FANCL: variants seen among roughly 807,000 people sequenced by gnomAD.
FANCL encodes E3 ubiquitin-protein ligase FANCL.
A neutral mutation model predicts 59.4 loss-of-function variants in FANCL; 69 were observed. That is an observed-to-expected ratio of 1.16 (90% CI 0.96 to 1.42). The LOEUF (loss-of-function observed/expected upper bound fraction) is 1.42, where lower values mean the gene tolerates loss of function less well. Among genes scored for constraint, FANCL ranks in the 40% most tolerant of loss-of-function variants. The pLI, the probability that FANCL is intolerant of heterozygous loss-of-function variation, is 0.00. For synonymous variants in FANCL, 180 were observed against 147.1 expected (o/e 1.22, Z -1.62); for missense variants, 519 against 447.2 (o/e 1.16, Z -1.45).
At chr2:58,164,687 T>G (rs543296581) in intron 8 of FANCL, among the ~76,000 whole-genome samples, 2 of 152,036 alleles carry the variant, frequency 1.3e-5, no homozygotes, top group African/African-American at 4.8e-5. Flanking sequence ...CATAACCTGA[T>G]AATTACTTTA....
intron 5 of FANCL, among the ~76,000 whole-genome samples, chr2:58,219,819 G>C (rs1013947685): frequency 5.9e-5 from 9 of 152,102 alleles, no homozygotes; most frequent in African/African-American, 2.2e-4. Context: ...TGGATAGTCA[G>C]GCAAAGCATG....
chr2:58,229,434 C>T (rs548273956), intron 3 of FANCL, among the ~76,000 whole-genome samples: 1 of 152,308 alleles, frequency 6.6e-6, no homozygotes, highest in East Asian at 1.9e-4. Context: ...TCTGCCACAT[C>T]TTTTCTGTTG....
chr2:58,239,093 G>C (rs1694279395), intron 1 of FANCL, among the ~76,000 whole-genome samples: 1 of 152,148 alleles, frequency 6.6e-6, no homozygotes, highest in Non-Finnish European at 1.5e-5. Flanking sequence ...AATGACAAGA[G>C]TTAGAAAATC....
At chr2:58,205,839 T>C (rs1024217612) in intron 5 of FANCL, among the ~76,000 whole-genome samples, 1 of 151,984 alleles carries the variant, frequency 6.6e-6, no homozygotes, top group Non-Finnish European at 1.5e-5. Flanking sequence ...AAGTGCATGA[T>C]AAAAGGGGGA....
At chr2:58,226,701 A>C in intron 4 of FANCL, 27 bp downstream of exon 4, 1 of 1,551,694 alleles carries the variant, frequency 6.4e-7, no homozygotes, top group Non-Finnish European at 8.9e-7. Flanking sequence ...GTATGGTAAC[A>C]GTGTCAGAAA....
intron 7 of FANCL, among the ~76,000 whole-genome samples, chr2:58,196,901 C>T (rs1229069144): frequency 1.6e-4 from 24 of 151,624 alleles, no homozygotes; most frequent in Admixed American, 1.6e-3. Flanking sequence ...TCACTTAAAA[C>T]ATCAAGATTG....
chr2:58,161,915 A>G (rs1465194698), intron 11 of FANCL, among the ~76,000 whole-genome samples: 2 of 151,950 alleles, frequency 1.3e-5, no homozygotes, highest in African/African-American at 2.4e-5. Flanking sequence ...AAAGGTGACT[A>G]TATTGCTGTA....
chr2:58,178,875 T>C (rs913856597), intron 7 of FANCL, among the ~76,000 whole-genome samples: 14 of 152,166 alleles, frequency 9.2e-5, no homozygotes, highest in African/African-American at 3.4e-4. Flanking sequence ...ATAAGCAACA[T>C]CAGCAAGGTC....
intron 3 of FANCL, among the ~76,000 whole-genome samples, chr2:58,227,132 G>A (rs1445503453): frequency 6.6e-6 from 1 of 152,132 alleles, no homozygotes; most frequent in Non-Finnish European, 1.5e-5. Flanking sequence ...TCAGTGCCCC[G>A]CTGCATAAAC....
At chr2:58,200,688 G>A (rs1309314034) in intron 6 of FANCL, among the ~76,000 whole-genome samples, 1 of 151,770 alleles carries the variant, frequency 6.6e-6, no homozygotes. Flanking sequence ...CATTCAAGTA[G>A]GATTCAGTAT....
At chr2:58,168,890 C>T (rs1369256612) in intron 7 of FANCL, among the ~76,000 whole-genome samples, 1 of 152,162 alleles carries the variant, frequency 6.6e-6, no homozygotes, top group Admixed American at 6.5e-5. Flanking sequence ...AGCCAGACTG[C>T]CTCACCAGAT....
intron 3 of FANCL, among the ~76,000 whole-genome samples, chr2:58,228,410 A>G (rs1307729947): frequency 6.6e-6 from 1 of 152,214 alleles, no homozygotes; most frequent in Non-Finnish European, 1.5e-5. Flanking sequence ...CTTCTTCTAC[A>G]TTGCATTTTC....
rs768814501 is a variant in FANCL at position 58,198,663 on chromosome 2, C to G, written c.472-1G>C. ...AATAATCTGGTGATTCTGCAGGATA[C>G]TATTAAAAAAGCATAACATTAGACC... On this transcript the variant is annotated splice_acceptor_variant, in intron 6 of 13. Coordinates refer to ENST00000233741, the MANE Select transcript of FANCL (RefSeq NM_018062.4). LOFTEE classifies it high-confidence loss of function. 5.8e-5 allele frequency: 93 copies of G among 1,612,758 alleles called. No homozygotes were observed. Among genetic ancestry groups the G allele is most frequent in the Non-Finnish European group, 7.5e-5 (89 of 1,178,964 alleles).
intron 6 of FANCL, among the ~76,000 whole-genome samples, chr2:58,201,314 T>C (rs901800593): frequency 2.6e-5 from 4 of 151,856 alleles, no homozygotes; most frequent in African/African-American, 7.2e-5. Flanking sequence ...TAGTATTTAA[T>C]TATTTTCAAG....
intron 7 of FANCL, among the ~76,000 whole-genome samples, chr2:58,180,390 T>TA (rs1687812322): frequency 6.6e-6 from 1 of 151,970 alleles, no homozygotes; most frequent in South Asian, 2.1e-4. Context: ...TATGCAGCCA[T>TA]AAAAAAGGAT....
At chr2:58,225,603 C>G (rs1262538610) in intron 4 of FANCL, among the ~76,000 whole-genome samples, 1 of 151,964 alleles carries the variant, frequency 6.6e-6, no homozygotes, top group African/African-American at 2.4e-5. Flanking sequence ...TCAGATACCA[C>G]GTGGATCCTC....
At chr2:58,207,095 A>G (rs2105170966) in intron 5 of FANCL, among the ~76,000 whole-genome samples, 1 of 152,254 alleles carries the variant, frequency 6.6e-6, no homozygotes, top group East Asian at 1.9e-4. Context: ...GCATATAACT[A>G]CATTTTGGCC....
chr2:58,228,581 G>C (rs1405488750), intron 3 of FANCL, among the ~76,000 whole-genome samples: 1 of 152,194 alleles, frequency 6.6e-6, no homozygotes, highest in African/African-American at 2.4e-5. Flanking sequence ...CGGCAGAATT[G>C]AGTAGCTGCA....
At chr2:58,169,994 A>G (rs551161092) in intron 7 of FANCL, among the ~76,000 whole-genome samples, 19 of 152,088 alleles carry the variant, frequency 1.2e-4, no homozygotes, top group Admixed American at 9.2e-4. Flanking sequence ...GATGTTATCC[A>G]GGACAGCTTC....
Sources: gnomAD v4.1 joint callset for allele counts (sites outside exome capture counted in the v4.1 genomes callset) on GRCh38, gnomAD v4.1.1 for gene constraint, MANE v1.5 for transcripts, NCBI Gene and HGNC (gene_info 2026-07-23, HGNC 2026-07-21) for gene names.